The following COG7 variants were observed in gnomAD, a reference collection of about 807,000 sequenced individuals.
COG7 encodes conserved oligomeric Golgi complex subunit 7.
In COG7, 49 loss-of-function variants were observed where a neutral mutation model predicts 91.5. The observed-to-expected ratio is 0.54, with a 90% CI of 0.43 to 0.68. COG7 has a LOEUF of 0.68. COG7 is among the 30% of genes least tolerant of loss of function. The pLI is 0.00. For missense variants in COG7, 895 were observed against 961.3 expected, an observed-to-expected ratio of 0.93 and a Z score of 0.91; for synonymous variants, 365 against 388.7, an observed-to-expected ratio of 0.94 and a Z score of 0.72.
chr16:23,427,992 A>G (rs937340818), intron 6 of COG7, among the ~76,000 whole-genome samples: 2 of 152,184 alleles, frequency 1.3e-5, no homozygotes, highest in African/African-American at 2.4e-5. Context: ...CCTGTGCAAC[A>G]TGGTGAAACC....
chr16:23,428,619 C>A (rs2142083971), intron 6 of COG7, among the ~76,000 whole-genome samples: 1 of 151,366 alleles, frequency 6.6e-6, no homozygotes, highest in South Asian at 2.1e-4. Context: ...GGATGTGGAA[C>A]AACCAGAACT....
intron 13 of COG7, among the ~76,000 whole-genome samples, chr16:23,399,672 A>G (rs1337588361): frequency 6.6e-6 from 1 of 152,042 alleles, no homozygotes; most frequent in African/African-American, 2.4e-5. Flanking sequence ...GGGCGATTAG[A>G]GAAGCGGCTG....
At chr16:23,397,218 T>G (rs190301195) in intron 14 of COG7, among the ~76,000 whole-genome samples, 1 of 152,348 alleles carries the variant, frequency 6.6e-6, no homozygotes, top group African/African-American at 2.4e-5. Context: ...CTAACATTTA[T>G]AATACTTCTA....
chr16:23,405,346 A>G, intron 12 of COG7, among the ~76,000 whole-genome samples: 1 of 151,902 alleles, frequency 6.6e-6, no homozygotes, highest in East Asian at 1.9e-4. Context: ...ATCCTCTATT[A>G]CAGGTTCTGC....
At chr16:23,415,360 A>T (rs1963635811) in intron 9 of COG7, 1 of 152,228 alleles carries the variant, frequency 6.6e-6, no homozygotes, top group African/African-American at 2.4e-5. Flanking sequence ...TTTAGCCACT[A>T]TTCTCAGGTA....
intron 11 of COG7, among the ~76,000 whole-genome samples, chr16:23,408,326 TAGGGGCGAGTGGGGCGGGAGGTA>T (rs1963500436): frequency 8.0e-5 from 1 of 12,486 alleles, no homozygotes; most frequent in Non-Finnish European, 1.3e-4. Flanking sequence ...GGGCGGGAGG[TAGGGGCGAGTGGGGCGGGAGGTA>T]GGGGACGAGT....
chr16:23,405,479 C>A (rs1027948435), intron 12 of COG7, among the ~76,000 whole-genome samples: 1 of 151,994 alleles, frequency 6.6e-6, no homozygotes, highest in Non-Finnish European at 1.5e-5. Context: ...ACAGCAAGTC[C>A]CCCTAGCCGC....
chr16:23,413,718 G>C (rs746415813), intron 9 of COG7, 154 bp from the exon 10 acceptor site: 6 of 639,664 alleles, frequency 9.4e-6, no homozygotes, highest in African/African-American at 9.2e-5. Flanking sequence ...GTAAACCTCT[G>C]AACACAAAAA....
intron 7 of COG7, among the ~76,000 whole-genome samples, chr16:23,419,902 C>G (rs368726080): frequency 1.3e-5 from 2 of 151,834 alleles, no homozygotes; most frequent in Non-Finnish European, 2.9e-5. Context: ...TTTGGGAGGC[C>G]GAGGTGAGCG....
chr16:23,410,007 T>C (rs1963536505), intron 11 of COG7, among the ~76,000 whole-genome samples: 1 of 152,208 alleles, frequency 6.6e-6, no homozygotes, highest in Non-Finnish European at 1.5e-5. Flanking sequence ...ACCAAGCCCA[T>C]TCCTAATTTG....
intron 6 of COG7, among the ~76,000 whole-genome samples, chr16:23,426,818 CAAAAA>C (rs1176659874): frequency 1.7e-5 from 1 of 60,354 alleles, no homozygotes; most frequent in Non-Finnish European, 3.3e-5. Context: ...AGCAATTGGA[CAAAAA>C]AAAAAAAAAA....
intron 1 of COG7, chr16:23,446,311 T>C: frequency 5.5e-6 from 2 of 362,968 alleles, no homozygotes; most frequent in Admixed American, 4.4e-5. Context: ...TATTACTTAA[T>C]GTCCACGGCG....
Position 23,418,704 on chromosome 16 carries a change from G to T in COG7, c.1133C>A (p.Pro378His). 2 of 1,613,550 alleles carry T rather than the reference G, an allele frequency of 1.2e-6. No individual in the cohort carries two copies. Among genetic ancestry groups the T allele is most frequent in the Non-Finnish European group, 1.7e-6 (2 of 1,179,910 alleles). ...CCCAGGACACTGCGACTTTACCAGA[G>T]GCACAGCACTCATCTGGATGAGGAG... Reference protein sequence around the residue: ...SNLLIQMSAVPLEHGEVIDCV... With the variant: ...SNLLIQMSAVHLEHGEVIDCV... Residue 378 changes from proline (P) to histidine (H), a missense_variant, in exon 8 of 17, where the codon CCT becomes CAT. Coordinates refer to ENST00000307149, the MANE Select transcript of COG7 (RefSeq NM_153603.4).
At chr16:23,428,827 GA>G (rs1259111018) in intron 6 of COG7, among the ~76,000 whole-genome samples, 2 of 151,930 alleles carry the variant, frequency 1.3e-5, no homozygotes, top group African/African-American at 4.8e-5. Flanking sequence ...GAGTAGCTGG[GA>G]TTACAGGCAT....
At chr16:23,425,534 C>G (rs1963832777) in intron 6 of COG7, among the ~76,000 whole-genome samples, 1 of 151,966 alleles carries the variant, frequency 6.6e-6, no homozygotes, top group Non-Finnish European at 1.5e-5. Flanking sequence ...GAGACGGGGT[C>G]TCACTATGTT....
intron 11 of COG7, among the ~76,000 whole-genome samples, chr16:23,410,057 C>T (rs1055111644): frequency 1.3e-5 from 2 of 152,216 alleles, no homozygotes; most frequent in African/African-American, 4.8e-5. Context: ...GCTGAAACCA[C>T]CATATCAAAC....
Position 23,406,181 on chromosome 16 carries a change from T to G in COG7, c.1557A>C (p.Thr519=). The change falls in exon 12 of 17, where the codon ACA becomes ACC. Residue 519 remains threonine, a synonymous_variant. Transcript: ENST00000307149. ...GGTTCTTGGCAGAGTTCTTCTTGTC[T>G]GTCAAGATGCTCTCCTGAAAACCAG... ...SLAGFQESIL[T]DKKNSAKNPW... 6.2e-7 allele frequency: 1 copy of G among 1,614,120 alleles called. No homozygotes were observed. Among genetic ancestry groups the G allele is most frequent in the South Asian group, 1.1e-5 (1 of 91,086 alleles).
chr16:23,415,972 C>T (rs1035000459), intron 9 of COG7: 4 of 152,050 alleles, frequency 2.6e-5, no homozygotes, highest in African/African-American at 9.7e-5. Context: ...CTGGGTTTTC[C>T]AGATATACTT....
At chr16:23,441,387 C>T (rs904304826) in intron 4 of COG7, among the ~76,000 whole-genome samples, 3 of 152,084 alleles carry the variant, frequency 2.0e-5, no homozygotes, top group Non-Finnish European at 4.4e-5. Context: ...CCAGCCTGGA[C>T]GACATGGTGA....
Sources: allele counts gnomAD v4.1 joint callset (sites outside exome capture counted in the v4.1 genomes callset), GRCh38; gene constraint gnomAD v4.1.1; transcripts MANE v1.5; gene names NCBI Gene and HGNC (gene_info 2026-07-23, HGNC 2026-07-21).